Variants in ZMAT3 observed in about 807,000 individuals in gnomAD.
The protein encoded by ZMAT3 is zinc finger matrin-type protein 3.
A neutral mutation model predicts 32.3 loss-of-function variants in ZMAT3; 17 were observed. The ratio of observed to expected loss-of-function variants is 0.53; its 90% CI spans 0.36 to 0.79. ZMAT3 has a LOEUF of 0.79. Ranked by LOEUF, ZMAT3 falls within the 30% of genes least tolerant of loss-of-function variation. ZMAT3 has a pLI of 0.00. For synonymous variants in ZMAT3, 120 were observed against 133.1 expected (o/e 0.90, Z 0.68); for missense variants, 329 against 359.7 (o/e 0.91, Z 0.69).
At position 179,023,689 on chromosome 3, in the gene ZMAT3, A is replaced by AATATATAAATATTTATAT. The variant is rs1232846996; in HGVS notation, c.*1327_*1328insATATAAATATTTATATAT. Reference sequence around the variant, plus strand: ...CTTTGTTTCCTAAAAACTGCTGGAAAATATATCTATATATATATATATTTT... The same window carrying AATATATAAATATTTATAT: ...CTTTGTTTCCTAAAAACTGCTGGAAAATATATAAATATTTATATATATATCTATATATATATATATTTT... On this transcript the variant is annotated 3_prime_UTR_variant, in exon 6 of 6. Transcript: ENST00000311417. 2.4e-5 allele frequency: 1 copy of AATATATAAATATTTATAT among 42,264 alleles called. No individual in the cohort carries two copies. 2.6% of individuals were successfully genotyped at this position (42,264 alleles called of 1,614,324 possible).
chr3:179,060,858 C>T (rs1331027812), intron 2 of ZMAT3, among the ~76,000 whole-genome samples: 1 of 151,712 alleles, frequency 6.6e-6, no homozygotes, highest in Non-Finnish European at 1.5e-5. Flanking sequence ...AAACAGGTCA[C>T]CAAAAAAAGA....
At chr3:179,070,289 T>A (rs143842780) in intron 1 of ZMAT3, among the ~76,000 whole-genome samples, 1 of 152,284 alleles carries the variant, frequency 6.6e-6, no homozygotes, top group Non-Finnish European at 1.5e-5. Context: ...AAAATAAAGA[T>A]CCTTCTCAAA....
chr3:179,042,955 A>C (rs1384099876), intron 2 of ZMAT3, among the ~76,000 whole-genome samples: 4 of 152,226 alleles, frequency 2.6e-5, no homozygotes, highest in Non-Finnish European at 5.9e-5. Context: ...CCAAATCATC[A>C]GTGAACTCCC....
At chr3:179,049,817 C>G (rs1720443834) in intron 2 of ZMAT3, among the ~76,000 whole-genome samples, 1 of 151,640 alleles carries the variant, frequency 6.6e-6, no homozygotes, top group Non-Finnish European at 1.5e-5. Context: ...ATGGTGAAAC[C>G]ACGTCTCTAC....
intron 1 of ZMAT3, among the ~76,000 whole-genome samples, chr3:179,069,874 A>C (rs1721621815): frequency 6.6e-6 from 1 of 152,228 alleles, no homozygotes; most frequent in African/African-American, 2.4e-5. Context: ...AAGAAAAGCA[A>C]TATAGAGTTT....
At chr3:179,069,677 G>A (rs936818858) in intron 1 of ZMAT3, among the ~76,000 whole-genome samples, 37 of 152,256 alleles carry the variant, frequency 2.4e-4, no homozygotes, top group South Asian at 2.1e-3. Context: ...ACTTTCAGAC[G>A]AAATTTGGGG....
At chr3:179,039,074 G>A (rs1340457328) in intron 2 of ZMAT3, among the ~76,000 whole-genome samples, 3 of 152,362 alleles carry the variant, frequency 2.0e-5, no homozygotes, top group African/African-American at 7.2e-5. Context: ...GAACTGGGCA[G>A]AGCCCACCAC....
At chr3:179,037,669 G>T (rs192995613) in intron 2 of ZMAT3, among the ~76,000 whole-genome samples, 1 of 152,304 alleles carries the variant, frequency 6.6e-6, no homozygotes, top group African/African-American at 2.4e-5. Flanking sequence ...GGGAAAAAAA[G>T]CCAGTGTGCC....
At chr3:179,071,990 G>A (rs1453569761), upstream of ZMAT3, 1 of 152,600 alleles carries the variant, frequency 6.6e-6, no homozygotes, top group Admixed American at 6.5e-5. Context: ...CGCGGGGTTA[G>A]GCCGGCGTGG....
chr3:179,048,681 A>C (rs915473704), intron 2 of ZMAT3, among the ~76,000 whole-genome samples: 2 of 152,110 alleles, frequency 1.3e-5, no homozygotes, highest in Non-Finnish European at 2.9e-5. Context: ...CTTGAAACAA[A>C]TCCTCCAAAT....
rs78449398 is a variant in ZMAT3 at position 179,069,345 on chromosome 3, C to A, written c.-57-1536G>T. Among the ~76,000 whole-genome samples, 190 of 152,224 alleles carry A rather than the reference C, an allele frequency of 1.2e-3. 2 individuals carry two copies. In the East Asian group the frequency reaches 0.033, roughly 27 times the overall value. ...TCCATAATGTCTCCTGCCTCCCCCC[C>A]AGATGGCGCCGTCTAACCCTGAGTG... On this transcript the variant is annotated intron_variant, in intron 1 of 5. Coordinates refer to ENST00000311417, the MANE Select transcript of ZMAT3 (RefSeq NM_022470.4).
At chr3:179,070,725 G>A (rs369827160) in intron 1 of ZMAT3, among the ~76,000 whole-genome samples, 4 of 152,144 alleles carry the variant, frequency 2.6e-5, no homozygotes, top group African/African-American at 9.7e-5. Context: ...TGCTTGCGAT[G>A]GCATAAATGA....
intron 2 of ZMAT3, among the ~76,000 whole-genome samples, chr3:179,060,867 GA>G (rs893814906): frequency 6.6e-6 from 1 of 151,842 alleles, no homozygotes. Flanking sequence ...ACCAAAAAAA[GA>G]ATAAGAATCA....
At chr3:179,067,292 A>G (rs1721465678) in intron 2 of ZMAT3, among the ~76,000 whole-genome samples, 191 bp downstream of exon 2, 1 of 152,266 alleles carries the variant, frequency 6.6e-6, no homozygotes, top group South Asian at 2.1e-4. Context: ...GTTGAGATCC[A>G]GTCTACAAAA....
At position 179,021,609 on chromosome 3, in the gene ZMAT3, G is replaced by A. The variant is rs569098614; in HGVS notation, c.*3408C>T. The A allele has an allele frequency of 2.0e-4, 31 of 152,138 alleles. No individual in the cohort carries two copies. The highest frequency in any genetic ancestry group is 1.8e-3 in the Admixed American group (28 of 15,278). The allele number at this position is 152,138 out of a possible 1,614,324, so 9.4% of individuals were successfully genotyped here. On this transcript the variant is annotated 3_prime_UTR_variant, in exon 6 of 6. Transcript: ENST00000311417. ...CCATCCTTGAAGACAGCATAGAAAA[G>A]GACACTAACATAATTCCTGGGGAGC...
intron 2 of ZMAT3, among the ~76,000 whole-genome samples, chr3:179,061,013 G>C (rs986924972): frequency 1.3e-5 from 2 of 151,022 alleles, no homozygotes; most frequent in Non-Finnish European, 2.9e-5. Flanking sequence ...TTTTAGAAAC[G>C]CAAGGGCTCA....
At chr3:179,029,732 G>C (rs1358033398) in intron 3 of ZMAT3, among the ~76,000 whole-genome samples, 1 of 152,142 alleles carries the variant, frequency 6.6e-6, no homozygotes, top group Non-Finnish European at 1.5e-5. Context: ...ATTGCAGCCT[G>C]GGGCAAAAGG....
intron 5 of ZMAT3, among the ~76,000 whole-genome samples, chr3:179,025,992 T>C (rs1300417516): frequency 6.6e-6 from 1 of 152,230 alleles, no homozygotes; most frequent in Admixed American, 6.5e-5. Context: ...AATATATAGG[T>C]AATACTTTTC....
At chr3:179,051,815 G>A (rs1720577927) in intron 2 of ZMAT3, among the ~76,000 whole-genome samples, 2 of 152,106 alleles carry the variant, frequency 1.3e-5, no homozygotes, top group African/African-American at 4.8e-5. Context: ...GCATGGTACT[G>A]GTATAAAAAC....
Sources: gnomAD v4.1 joint callset for allele counts (sites outside exome capture counted in the v4.1 genomes callset) on GRCh38, gnomAD v4.1.1 for gene constraint, MANE v1.5 for transcripts, NCBI Gene and HGNC (gene_info 2026-07-23, HGNC 2026-07-21) for gene names.